Variants in TANC1 observed in about 807,000 individuals in gnomAD.
The protein encoded by TANC1 is protein TANC1.
TANC1 carries 77 observed loss-of-function variants against 149.7 expected under a neutral mutation model. The ratio of observed to expected loss-of-function variants is 0.51; its 90% CI spans 0.43 to 0.62. TANC1 has a LOEUF of 0.62. Among genes scored for constraint, TANC1 ranks in the 20% least tolerant of loss-of-function variants. TANC1 has a pLI of 0.00. For missense variants in TANC1, 1,985 were observed against 2,321.8 expected (o/e 0.85, Z 2.98); for synonymous variants, 854 against 925.0 (o/e 0.92, Z 1.39).
chr2:159,212,776 C>G (rs2059075066), intron 19 of TANC1, among the ~76,000 whole-genome samples: 1 of 152,036 alleles, frequency 6.6e-6, no homozygotes, highest in African/African-American at 2.4e-5. Flanking sequence ...CAAAAATTAG[C>G]CAGGCGTGGT....
chr2:158,980,426 T>TA (rs934189984), intron 1 of TANC1, among the ~76,000 whole-genome samples: 3 of 152,014 alleles, frequency 2.0e-5, no homozygotes, highest in South Asian at 4.2e-4. Context: ...ACTTAGGACT[T>TA]AAAAAAATCA....
intron 2 of TANC1, among the ~76,000 whole-genome samples, chr2:159,052,134 T>C (rs2041522087): frequency 6.6e-6 from 1 of 152,140 alleles, no homozygotes; most frequent in African/African-American, 2.4e-5. Context: ...ACAAATACTT[T>C]CAAAAAGAGT....
chr2:159,173,586 C>T (rs1237446415), intron 11 of TANC1, among the ~76,000 whole-genome samples: 1 of 152,194 alleles, frequency 6.6e-6, no homozygotes, highest in Non-Finnish European at 1.5e-5. Context: ...ACCTGGGTGA[C>T]AGAGCAAGAC....
At chr2:159,139,363 C>A (rs1331158776) in intron 5 of TANC1, among the ~76,000 whole-genome samples, 1 of 152,104 alleles carries the variant, frequency 6.6e-6, no homozygotes, top group East Asian at 1.9e-4. Flanking sequence ...AAATACAAAG[C>A]CCATTTTCAT....
intron 2 of TANC1, among the ~76,000 whole-genome samples, chr2:159,053,694 T>C (rs264663): frequency 0.96 from 145,907 of 152,280 alleles, 70,067 homozygotes; most frequent in Non-Finnish European, 0.99. Flanking sequence ...GGCAGTTTTC[T>C]GGGTTTTTCA....
chr2:159,077,858 C>G lies in TANC1; in HGVS notation c.61+11887C>G, dbSNP rs140915857. 7.3e-4 allele frequency among the ~76,000 whole-genome samples: 111 copies of G among 152,232 alleles called. No homozygotes were observed. In the East Asian group the frequency reaches 0.014, roughly 19 times the overall value. On this transcript the variant is annotated intron_variant, in intron 3 of 26. Coordinates refer to ENST00000263635, the MANE Select transcript of TANC1 (RefSeq NM_033394.3). ...GGGTAACAGGTTTGTTCATTTAAAA[C>G]TTTTCTAGGTTTTGTCAAATTGTCC...
intron 5 of TANC1, among the ~76,000 whole-genome samples, chr2:159,143,062 C>CAAAAAAAAAAAAAAAAA (rs70994269): frequency 1.1e-5 from 1 of 87,372 alleles, no homozygotes; most frequent in African/African-American, 5.6e-5. Flanking sequence ...GACTCTGTCT[C>CAAAAAAAAAAAAAAAAA]AAAAAAAAAA....
rs1330393721 is a variant in TANC1, at chr2:159,223,428, G to A, written c.3679-804G>A. ...GTCCTTTGCCCATTCTAAAGATGAG[G>A]TTATTTGGTTTTTGTAGTTGGGTTG... On this transcript the variant is annotated intron_variant, in intron 22 of 26. Transcript: ENST00000263635. Among the ~76,000 whole-genome samples, 3 of 152,146 alleles carry A rather than the reference G, an allele frequency of 2.0e-5. No homozygotes were observed. In the East Asian group the frequency reaches 5.8e-4, roughly 29 times the overall value.
intron 5 of TANC1, among the ~76,000 whole-genome samples, chr2:159,146,880 G>T (rs909187538): frequency 3.9e-5 from 6 of 151,960 alleles, no homozygotes; most frequent in African/African-American, 1.5e-4. Context: ...AGCTGGAATC[G>T]CCACTGCTCC....
At chr2:159,094,782 G>GT (rs200692189) in intron 3 of TANC1, among the ~76,000 whole-genome samples, 13,062 of 137,026 alleles carry the variant, frequency 0.095, 718 homozygotes, top group South Asian at 0.28. Flanking sequence ...TGTGGGGGGG[G>GT]GGTGGGGGCC....
chr2:159,146,965 G>C (rs1297173236), intron 5 of TANC1, among the ~76,000 whole-genome samples: 1 of 152,138 alleles, frequency 6.6e-6, no homozygotes, highest in Non-Finnish European at 1.5e-5. Context: ...TTGAGATCCT[G>C]GAGTATCTGT....
intron 2 of TANC1, among the ~76,000 whole-genome samples, chr2:159,058,989 T>G (rs1038746653): frequency 9.9e-5 from 15 of 152,218 alleles, no homozygotes; most frequent in African/African-American, 3.4e-4. Flanking sequence ...CCCAGAACTC[T>G]TTTAAATTCA....
chr2:158,979,298 G>C (rs2034032225), intron 1 of TANC1, among the ~76,000 whole-genome samples: 1 of 151,966 alleles, frequency 6.6e-6, no homozygotes, highest in South Asian at 2.1e-4. Flanking sequence ...AGACCAGCCT[G>C]GGCAACATAG....
intron 1 of TANC1, among the ~76,000 whole-genome samples, chr2:158,993,895 A>G (rs2035909183): frequency 6.6e-6 from 1 of 152,216 alleles, no homozygotes; most frequent in Non-Finnish European, 1.5e-5. Context: ...TTCTGTATGA[A>G]TGTATGTTCT....
At chr2:159,030,848 A>G (rs142464090) in intron 2 of TANC1, among the ~76,000 whole-genome samples, 347 of 152,258 alleles carry the variant, frequency 2.3e-3, no homozygotes, top group African/African-American at 7.9e-3. Flanking sequence ...TGGAACCCCC[A>G]TCTCAGAGTT....
intron 2 of TANC1, among the ~76,000 whole-genome samples, chr2:159,059,340 A>G (rs1052811276): frequency 6.6e-6 from 1 of 152,024 alleles, no homozygotes; most frequent in Non-Finnish European, 1.5e-5. Context: ...CTCCATCTCT[A>G]TGAAAAAATA....
chr2:159,023,297 CA>C (rs1225469310), intron 2 of TANC1, among the ~76,000 whole-genome samples: 1 of 152,002 alleles, frequency 6.6e-6, no homozygotes, highest in Non-Finnish European at 1.5e-5. Context: ...CAGAATCTGA[CA>C]AATTTTTAGA....
At chr2:158,981,074 A>G (rs532496942) in intron 1 of TANC1, among the ~76,000 whole-genome samples, 31 of 152,180 alleles carry the variant, frequency 2.0e-4, no homozygotes, top group African/African-American at 7.0e-4. Context: ...GTCAAGTAAA[A>G]TATTTTTGGC....
At chr2:159,060,969 C>T (rs1289710056) in intron 2 of TANC1, among the ~76,000 whole-genome samples, 1 of 152,144 alleles carries the variant, frequency 6.6e-6, no homozygotes, top group African/African-American at 2.4e-5. Context: ...AGAGGTTGTG[C>T]CTGTCCCCAA....
Sources: allele counts gnomAD v4.1 joint callset (sites outside exome capture counted in the v4.1 genomes callset), GRCh38; gene constraint gnomAD v4.1.1; transcripts MANE v1.5; gene names NCBI Gene and HGNC (gene_info 2026-07-23, HGNC 2026-07-21).